Variants in WDHD1 observed in about 807,000 individuals in gnomAD.
The protein encoded by WDHD1 is WD repeat and HMG-box DNA binding protein 1.
WDHD1 carries 111 observed loss-of-function variants against 135.4 expected under a neutral mutation model. The observed-to-expected ratio is 0.82, with a 90% CI of 0.70 to 0.96. The LOEUF (loss-of-function observed/expected upper bound fraction) is 0.96. Among genes scored for constraint, WDHD1 ranks in the 40% least tolerant of loss-of-function variants. WDHD1 has a pLI of 0.00. For synonymous variants in WDHD1, 434 were observed against 439.0 expected (o/e 0.99, Z 0.14); for missense variants, 1,351 against 1,336.3 (o/e 1.01, Z -0.17).
At chr14:54,958,419 G>A (rs928363166) in intron 21 of WDHD1, among the ~76,000 whole-genome samples, 2 of 152,114 alleles carry the variant, frequency 1.3e-5, no homozygotes, top group Admixed American at 6.6e-5. Flanking sequence ...GAGCCACCAC[G>A]CCCGGTCATC....
chr14:54,953,985 G>A (rs547570577), intron 24 of WDHD1, among the ~76,000 whole-genome samples: 2 of 152,186 alleles, frequency 1.3e-5, no homozygotes, highest in South Asian at 2.1e-4. Flanking sequence ...GGTGGGGGAA[G>A]TAGGGAGGGA....
chr14:54,995,672 C>T lies in WDHD1; in HGVS notation c.1084G>A (p.Asp362Asn), dbSNP rs762269992. The change falls in exon 11 of 26, where the codon GAC becomes AAC. Residue 362 changes from aspartate to asparagine, a missense_variant. Transcript: ENST00000360586. ...GGACGACCTGAAGCCATCATGAGGT[C>T]TTCATCATCCTCATCATCATTTATA... ...GIINDDEDDE[D>N]LMMASGRPRQ... 6.2e-7 allele frequency: 1 copy of T among 1,613,614 alleles called. No individual in the cohort carries two copies. The highest frequency in any genetic ancestry group is 1.1e-5 in the South Asian group (1 of 91,006).
In WDHD1 at chr14:54,995,807, T is replaced by C; in HGVS notation, c.949A>G (p.Ser317Gly). 6.4e-7 allele frequency: 1 copy of C among 1,568,644 alleles called. No individual in the cohort carries two copies. The highest frequency in any genetic ancestry group is 8.6e-7 in the Non-Finnish European group (1 of 1,159,166). ...TCATTATAATCCTTTTCCACTCTGCTAGATACCTTGAACAAATTAATACAA... is the reference window on the plus strand; with the variant it reads ...TCATTATAATCCTTTTCCACTCTGCCAGATACCTTGAACAAATTAATACAA... ...SGKTSSSKVS[S>G]RVEKDYNDLF... Residue 317 changes from serine to glycine, a missense_variant, in exon 11 of 26, where the codon AGC becomes GGC. Physicochemically the swap from Ser to Gly is moderately conservative, Grantham distance 56. This residue lies in a region of WDHD1 where 1,330 missense variants were observed against 1,296.1 expected (regional missense o/e 1.03). Coordinates refer to ENST00000360586, the MANE Select transcript of WDHD1 (RefSeq NM_007086.4).
In WDHD1 at chr14:55,007,246, A is replaced by AAG. The variant is rs1555371812; in HGVS notation, c.600+33_600+34insCT. The AAG allele has an allele frequency of 1.5e-5, 22 of 1,478,918 alleles. No individual in the cohort carries two copies. The African/African-American group carries it at 1.7e-4, about 12-fold the overall frequency. 91.6% of individuals were successfully genotyped at this position (1,478,918 alleles called of 1,614,324 possible). Reference sequence around the variant, plus strand: ...CCATCTCTAATAAAAAAAAAAAAAAAAAAGAAAAGAAAAGAAAAATAAGAA... The same window carrying AAG: ...CCATCTCTAATAAAAAAAAAAAAAAAAGAAAGAAAAGAAAAGAAAAATAAGAA... On this transcript the variant is annotated intron_variant, in intron 7 of 25. Coordinates refer to ENST00000360586, the MANE Select transcript of WDHD1 (RefSeq NM_007086.4).
At chr14:55,000,814 G>A (rs2041968097) in intron 9 of WDHD1, 72 bp downstream of exon 9, 1 of 1,226,062 alleles carries the variant, frequency 8.2e-7, no homozygotes, top group Non-Finnish European at 1.1e-6. Flanking sequence ...AATTTGAAAT[G>A]TTTCAAAATA....
intron 24 of WDHD1, among the ~76,000 whole-genome samples, chr14:54,945,704 C>T (rs1182397755): frequency 6.6e-6 from 1 of 152,148 alleles, no homozygotes; most frequent in Non-Finnish European, 1.5e-5. Context: ...CCACACCCAG[C>T]TAATTTTTGT....
intron 7 of WDHD1, chr14:55,005,237 TCTGTGTG>T: frequency 3.7e-6 from 2 of 539,548 alleles, no homozygotes; most frequent in Non-Finnish European, 7.3e-6. Context: ...CAGAGGAAAA[TCTGTGTG>T]ACACAGAGCA....
Position 54,988,316 on chromosome 14 carries a change from T to C in WDHD1, c.1526+712A>G, listed in dbSNP as rs115754470. Among the ~76,000 whole-genome samples, 226 of 152,250 alleles carry C rather than the reference T, an allele frequency of 1.5e-3. 1 individual carries two copies. Among genetic ancestry groups the C allele is most frequent in the African/African-American group, 5.2e-3 (218 of 41,542 alleles). ...GATTAATAGTTGGCCAAGGCTCAGG[T>C]TGAATTAACTGCAAAGGGATATAAG... On this transcript the variant is annotated intron_variant, in intron 13 of 25. Coordinates refer to ENST00000360586, the MANE Select transcript of WDHD1 (RefSeq NM_007086.4).
intron 12 of WDHD1, among the ~76,000 whole-genome samples, chr14:54,989,947 AG>A (rs2041757883): frequency 6.6e-6 from 1 of 152,168 alleles, no homozygotes; most frequent in Non-Finnish European, 1.5e-5. Context: ...TATAGGCGTG[AG>A]CCATCACGCC....
chr14:55,001,605 C>T (rs566028433), intron 8 of WDHD1, among the ~76,000 whole-genome samples: 1 of 152,144 alleles, frequency 6.6e-6, no homozygotes, highest in Non-Finnish European at 1.5e-5. Context: ...ATGTTATTAT[C>T]CTAGAAAGAG....
intron 16 of WDHD1, among the ~76,000 whole-genome samples, chr14:54,972,793 A>G (rs1021764649): frequency 6.6e-6 from 1 of 152,122 alleles, no homozygotes; most frequent in African/African-American, 2.4e-5. Flanking sequence ...CAAAAAAGAG[A>G]GACAGAAAGA....
chr14:55,013,194 C>CA (rs71448422), intron 3 of WDHD1, among the ~76,000 whole-genome samples: 1,510 of 81,504 alleles, frequency 0.019, 33 homozygotes, highest in Middle Eastern at 0.041. Context: ...GATCCCGTTT[C>CA]AAAAAAAAAA....
chr14:54,948,531 G>C (rs1189405239), intron 24 of WDHD1, among the ~76,000 whole-genome samples: 1 of 152,192 alleles, frequency 6.6e-6, no homozygotes, highest in Non-Finnish European at 1.5e-5. Context: ...GCCCACTGAA[G>C]CTCAAGGAGT....
intron 23 of WDHD1, among the ~76,000 whole-genome samples, chr14:54,955,950 TGCAGTG>T (rs2041152599): frequency 7.0e-6 from 1 of 142,590 alleles, no homozygotes; most frequent in Non-Finnish European, 1.5e-5. Context: ...CAGGCTGGAG[TGCAGTG>T]GCGCTATCTC....
At chr14:54,997,971 G>T (rs1015113006) in intron 10 of WDHD1, among the ~76,000 whole-genome samples, 1 of 151,816 alleles carries the variant, frequency 6.6e-6, no homozygotes, top group Admixed American at 6.6e-5. Context: ...TAGCACTTTG[G>T]GGGGCTGCGG....
At chr14:54,994,017 A>G (rs2041838380) in intron 11 of WDHD1, among the ~76,000 whole-genome samples, 1 of 152,206 alleles carries the variant, frequency 6.6e-6, no homozygotes, top group Non-Finnish European at 1.5e-5. Context: ...GCACATTGGC[A>G]TTTTACTTGA....
At chr14:55,008,802 T>C (rs1456983152) in intron 4 of WDHD1, 83 bp from the exon 5 acceptor site, 1 of 1,110,164 alleles carries the variant, frequency 9.0e-7, no homozygotes, top group African/African-American at 1.6e-5. Context: ...TATTTCTTTT[T>C]TTTTTTTTTT....
intron 2 of WDHD1, among the ~76,000 whole-genome samples, chr14:55,019,811 G>A (rs1341148613): frequency 6.6e-6 from 1 of 152,238 alleles, no homozygotes; most frequent in Non-Finnish European, 1.5e-5. Context: ...AGAGGTTACA[G>A]TGAGCCGAGA....
At chr14:54,990,083 A>G (rs191623139) in intron 12 of WDHD1, among the ~76,000 whole-genome samples, 3 of 152,286 alleles carry the variant, frequency 2.0e-5, no homozygotes, top group Admixed American at 2.0e-4. Flanking sequence ...TAACATAACT[A>G]TAAATAAAAT....
Sources: allele counts gnomAD v4.1 joint callset (sites outside exome capture counted in the v4.1 genomes callset), GRCh38; gene constraint gnomAD v4.1.1; regional missense constraint gnomAD v4.1.1; transcripts MANE v1.5; gene names NCBI Gene and HGNC (gene_info 2026-07-23, HGNC 2026-07-21).